RAD51B: variants seen among roughly 807,000 people sequenced by gnomAD.
RAD51B encodes DNA repair protein RAD51 homolog 2.
Under a neutral mutation model 42.2 loss-of-function variants are expected in RAD51B, and 38 were observed. The ratio of observed to expected loss-of-function variants is 0.90; its 90% CI spans 0.70 to 1.18. The LOEUF is 1.18. Ranked by LOEUF, RAD51B falls within the 50% of genes most tolerant of loss-of-function variation. The pLI, the probability that RAD51B is intolerant of heterozygous loss-of-function variation, is 0.00. For synonymous variants in RAD51B, 154 were observed against 145.2 expected (o/e 1.06, Z -0.43); for missense variants, 373 against 400.7 (o/e 0.93, Z 0.59).
At chr14:68,447,769 G>A (rs956784422) in intron 9 of RAD51B, among the ~76,000 whole-genome samples, 3 of 151,568 alleles carry the variant, frequency 2.0e-5, no homozygotes, top group Non-Finnish European at 4.4e-5. Flanking sequence ...CTTGATGAAA[G>A]TCCTTGATGT....
At chr14:68,175,099 T>C (rs2078938935) in intron 7 of RAD51B, among the ~76,000 whole-genome samples, 1 of 152,180 alleles carries the variant, frequency 6.6e-6, no homozygotes, top group Non-Finnish European at 1.5e-5. Flanking sequence ...ATTGATTCCA[T>C]TGATGATCTT....
At chr14:68,182,411 C>G (rs942063946) in intron 7 of RAD51B, among the ~76,000 whole-genome samples, 4 of 152,234 alleles carry the variant, frequency 2.6e-5, no homozygotes, top group Non-Finnish European at 5.9e-5. Context: ...TTTGCTTGAA[C>G]AGAGAATATG....
intron 7 of RAD51B, among the ~76,000 whole-genome samples, chr14:68,241,226 T>C (rs1483386879): frequency 6.6e-6 from 1 of 152,222 alleles, no homozygotes; most frequent in Non-Finnish European, 1.5e-5. Flanking sequence ...TCCTTTGTTA[T>C]GAGAAAAACC....
chr14:68,543,151 C>T (rs1258959223), intron 10 of RAD51B, among the ~76,000 whole-genome samples: 2 of 152,162 alleles, frequency 1.3e-5, no homozygotes, highest in African/African-American at 2.4e-5. Flanking sequence ...AGTGCAAAAA[C>T]AGCCATAGGC....
chr14:68,468,254 A>G lies in RAD51B; in HGVS notation c.1036+4A>G. ...GAGGAAGGCCTGGTTCTTCAAGGTA[A>G]GATCCTTGGATTAAGCCATTTCTTT... On this transcript the variant is annotated splice_donor_region_variant and intron_variant, in intron 10 of 10. Coordinates refer to ENST00000471583, the MANE Select transcript of RAD51B (RefSeq NM_133510.4). 1 of 1,610,182 alleles carries G rather than the reference A, an allele frequency of 6.2e-7. No homozygotes were observed. Among genetic ancestry groups the G allele is most frequent in the Non-Finnish European group, 8.5e-7 (1 of 1,176,454 alleles).
At chr14:68,234,158 C>A (rs866214196) in intron 7 of RAD51B, among the ~76,000 whole-genome samples, 6 of 152,184 alleles carry the variant, frequency 3.9e-5, no homozygotes, top group African/African-American at 1.2e-4. Flanking sequence ...TGGTTGGATA[C>A]AGGGGTGGGT....
chr14:68,277,312 G>C (rs1040783026), intron 7 of RAD51B, among the ~76,000 whole-genome samples: 6 of 152,110 alleles, frequency 3.9e-5, no homozygotes, highest in Non-Finnish European at 8.8e-5. Flanking sequence ...CCAAGATCCA[G>C]TTCCACGGGA....
intron 8 of RAD51B, among the ~76,000 whole-genome samples, chr14:68,348,149 C>G (rs1175345293): frequency 6.6e-6 from 1 of 152,130 alleles, no homozygotes; most frequent in East Asian, 1.9e-4. Context: ...CAGTTTAAAG[C>G]TTTAATGTCA....
chr14:68,636,632 C>G (rs1156395120), intron 10 of RAD51B, among the ~76,000 whole-genome samples: 2 of 150,388 alleles, frequency 1.3e-5, no homozygotes, highest in Non-Finnish European at 3.0e-5. Flanking sequence ...CATTCATGTT[C>G]TGGACCAGGC....
intron 10 of RAD51B, chr14:68,540,166 CTTTTTTT>C (rs11321834): frequency 6.8e-5 from 40 of 587,252 alleles, no homozygotes; most frequent in African/African-American, 9.9e-5. Flanking sequence ...TACCCTGCTC[CTTTTTTT>C]TTTTTTTTTT....
downstream of RAD51B, among the ~76,000 whole-genome samples, chr14:68,479,688 T>TTTTTTTTTTTTG (rs34627518): frequency 3.6e-5 from 5 of 137,012 alleles, no homozygotes; most frequent in African/African-American, 1.1e-4. Flanking sequence ...TTTTTTTTTT[T>TTTTTTTTTTTTG]GCCAGAGTCT....
intron 9 of RAD51B, among the ~76,000 whole-genome samples, chr14:68,455,918 C>A (rs192854826): frequency 6.6e-6 from 1 of 152,058 alleles, no homozygotes; most frequent in Admixed American, 6.6e-5. Flanking sequence ...ATTTGTATGA[C>A]AATAGTACAA....
rs1289098074 is a variant in RAD51B at position 68,123,520 on chromosome 14, G to A, written c.757-168364G>A. 2.0e-5 allele frequency among the ~76,000 whole-genome samples: 3 copies of A among 152,002 alleles called. No homozygotes were observed. The East Asian group carries it at 5.8e-4, about 29-fold the overall frequency. On this transcript the variant is annotated intron_variant, in intron 7 of 10. Transcript: ENST00000471583. ...AACTTAGTCTTTTAAAAAGTTAGAT[G>A]ATATCAGCTGGGCACGGTGGCTCAC... is the stretch of plus-strand genomic sequence containing the variant.
chr14:68,545,706 A>G, intron 10 of RAD51B: 1 of 449,640 alleles, frequency 2.2e-6, no homozygotes, highest in Admixed American at 2.4e-5. Context: ...AATATTTATT[A>G]TCTGCTTGTT....
chr14:68,059,632 A>G (rs1023679663), intron 7 of RAD51B, among the ~76,000 whole-genome samples: 1 of 152,208 alleles, frequency 6.6e-6, no homozygotes, highest in Non-Finnish European at 1.5e-5. Context: ...GACTCCTTCC[A>G]TGACATCCTG....
rs61985825 is a variant in RAD51B, at chr14:68,595,619, A to G, written c.*1016A>G. On this transcript the variant is annotated 3_prime_UTR_variant, in exon 11 of 11. Coordinates refer to the RAD51B transcript ENST00000487270. Reference sequence around the variant, plus strand: ...GGAGCAGCCTGAGTCAGTCTCCCCAATGTCTACATTGTGTTATTTATACTA... The same window carrying G: ...GGAGCAGCCTGAGTCAGTCTCCCCAGTGTCTACATTGTGTTATTTATACTA... The G allele has an allele frequency of 0.22, 238,510 of 1,061,220 alleles. 27,596 individuals are homozygous for G. Among genetic ancestry groups the G allele is most frequent in the Non-Finnish European group, 0.24 (208,450 of 874,906 alleles). 65.7% of individuals were successfully genotyped at this position (1,061,220 alleles called of 1,614,324 possible). A position where few individuals can be genotyped will look rare whatever the true frequency, so the allele number is the denominator to read the frequency against.
chr14:68,457,032 C>A (rs2085712802), intron 9 of RAD51B, among the ~76,000 whole-genome samples: 3 of 151,404 alleles, frequency 2.0e-5, no homozygotes, highest in Admixed American at 2.0e-4. Context: ...TGTGCCTCAG[C>A]CACCTGAGTA....
At chr14:68,507,950 T>C (rs1274696259) in intron 10 of RAD51B, among the ~76,000 whole-genome samples, 2 of 152,060 alleles carry the variant, frequency 1.3e-5, no homozygotes, top group African/African-American at 4.8e-5. Context: ...AGCTTTGAGG[T>C]TTACACCCAC....
chr14:67,826,342 C>T (rs1336369388), intron 3 of RAD51B, among the ~76,000 whole-genome samples: 1 of 152,128 alleles, frequency 6.6e-6, no homozygotes, highest in Non-Finnish European at 1.5e-5. Context: ...TTATCCTTTA[C>T]TCTTAAGAAA....
Sources: gnomAD v4.1 joint callset for allele counts (sites outside exome capture counted in the v4.1 genomes callset) on GRCh38, gnomAD v4.1.1 for gene constraint, MANE v1.5 for transcripts, NCBI Gene and HGNC (gene_info 2026-07-23, HGNC 2026-07-21) for gene names.